Variants in NTNG2 observed in about 807,000 individuals in gnomAD.
NTNG2 encodes netrin-G2.
In NTNG2, 15 loss-of-function variants were observed where a neutral mutation model predicts 47.6. The observed-to-expected ratio is 0.32, with a 90% confidence interval of 0.21 to 0.49. NTNG2 has a LOEUF of 0.49. NTNG2 is among the 20% of genes least tolerant of loss of function. The pLI is 0.99. For missense variants in NTNG2, 578 were observed against 764.6 expected, an observed-to-expected ratio of 0.76 and a Z score of 2.88; for synonymous variants, 307 against 324.6, an observed-to-expected ratio of 0.95 and a Z score of 0.58.
chr9:132,241,086 G>A, intron 7 of NTNG2, 42 bp downstream of exon 7: 1 of 1,549,110 alleles, frequency 6.5e-7, no homozygotes, highest in East Asian at 2.4e-5. Context: ...CTGCGGAAAG[G>A]GGACGGGGCA....
In NTNG2 at chr9:132,208,289, T is replaced by TG. The variant is rs1839322105; in HGVS notation, c.857+9681dup. On this transcript the variant is annotated intron_variant, in intron 3 of 7. Transcript: ENST00000393229. The surrounding 1 kb of genome is among the most constrained non-coding windows in gnomAD (Gnocchi z 4.0). Reference sequence around the variant, plus strand: ...AGTGCCTTCTAAGGACTCAGTGTGATGTGGCTGTGGTGGGTGAGTAAGATT... The same window carrying TG: ...AGTGCCTTCTAAGGACTCAGTGTGATGGTGGCTGTGGTGGGTGAGTAAGATT... 6.6e-6 allele frequency among the ~76,000 whole-genome samples: 1 copy of TG among 151,936 alleles called. No homozygotes were observed. Among genetic ancestry groups the TG allele is most frequent in the Non-Finnish European group, 1.5e-5 (1 of 67,966 alleles).
chr9:132,216,462 G>A (rs1840003327), intron 3 of NTNG2, among the ~76,000 whole-genome samples: 1 of 146,840 alleles, frequency 6.8e-6, no homozygotes, highest in Admixed American at 6.8e-5. Context: ...GTGTGTGTGT[G>A]TGTGTGTCCC....
At chr9:132,241,149 G>T in intron 7 of NTNG2, 105 bp downstream of exon 7, 1 of 1,373,044 alleles carries the variant, frequency 7.3e-7, no homozygotes, top group Non-Finnish European at 9.6e-7. Context: ...CGGTGGACTG[G>T]GCCTAGCAAG....
chr9:132,192,351 G>A (rs1004998564), intron 2 of NTNG2, among the ~76,000 whole-genome samples: 4 of 152,234 alleles, frequency 2.6e-5, no homozygotes, highest in Non-Finnish European at 4.4e-5. Context: ...AGCACTTTGG[G>A]AGGCCGAGGT....
chr9:132,239,328 G>A, intron 6 of NTNG2, 57 bp downstream of exon 6: 2 of 1,584,122 alleles, frequency 1.3e-6, no homozygotes, highest in African/African-American at 1.3e-5. Context: ...AGGGTGCACT[G>A]CCCTGCGAGG....
At chr9:132,234,293 G>T (rs1029783594) in intron 5 of NTNG2, among the ~76,000 whole-genome samples, 1 of 152,240 alleles carries the variant, frequency 6.6e-6, no homozygotes, top group African/African-American at 2.4e-5. Flanking sequence ...CTCCCAAAGT[G>T]CTGGGATTCC....
At chr9:132,235,638 T>C (rs1841565524) in intron 5 of NTNG2, among the ~76,000 whole-genome samples, 1 of 152,166 alleles carries the variant, frequency 6.6e-6, no homozygotes, top group African/African-American at 2.4e-5. Context: ...TTTCTTCTCT[T>C]CTTCCCCCCA....
chr9:132,224,241 C>T (rs910608194), intron 3 of NTNG2, among the ~76,000 whole-genome samples: 2 of 152,100 alleles, frequency 1.3e-5, no homozygotes, highest in Non-Finnish European at 2.9e-5. Flanking sequence ...CATTTCCCCA[C>T]CCCCCTGCAC....
intron 3 of NTNG2, among the ~76,000 whole-genome samples, chr9:132,202,453 G>T (rs1278382622): frequency 1.3e-5 from 2 of 152,210 alleles, no homozygotes; most frequent in African/African-American, 2.4e-5. Flanking sequence ...GCACCCGCAA[G>T]TCCCAGCCAC....
At chr9:132,187,565 G>A (rs908639585) in intron 2 of NTNG2, among the ~76,000 whole-genome samples, 11 of 109,812 alleles carry the variant, frequency 1.0e-4, no homozygotes, top group African/African-American at 4.3e-4. Flanking sequence ...GAGCGAGAGG[G>A]AGCAAGAGAG....
At chr9:132,186,079 C>G (rs908426694) in intron 2 of NTNG2, among the ~76,000 whole-genome samples, 3 of 152,164 alleles carry the variant, frequency 2.0e-5, no homozygotes, top group African/African-American at 7.2e-5. Flanking sequence ...GAACCTGGGA[C>G]CAAGAAAAAA....
chr9:132,191,525 G>A (rs1286940734), intron 2 of NTNG2, among the ~76,000 whole-genome samples: 1 of 151,362 alleles, frequency 6.6e-6, no homozygotes, highest in Non-Finnish European at 1.5e-5. Context: ...AGACGCCAGG[G>A]CCCAAAACTG....
chr9:132,204,793 G>T (rs1392036394), intron 3 of NTNG2, among the ~76,000 whole-genome samples: 1 of 152,114 alleles, frequency 6.6e-6, no homozygotes, highest in Non-Finnish European at 1.5e-5. Flanking sequence ...ATAGATGGAA[G>T]GGCTGGGTGT....
chr9:132,198,222 A>C lies in NTNG2; in HGVS notation c.470A>C (p.Asn157Thr). The change falls in exon 3 of 8, where the codon AAC (asparagine) becomes ACC (threonine). Residue 157 changes from asparagine (N) to threonine (T), a missense_variant. Coordinates refer to ENST00000393229, the MANE Select transcript of NTNG2 (RefSeq NM_032536.4). ...TVMVLEKSLD[N>T]GRTWQPYQFY... is the part of the protein sequence containing the mutation. ...ATGGTCCTGGAGAAGTCCCTGGACAACGGGCGCACCTGGCAGCCCTACCAG... is the reference window on the plus strand; with the variant it reads ...ATGGTCCTGGAGAAGTCCCTGGACACCGGGCGCACCTGGCAGCCCTACCAG... 1 of 1,613,320 alleles carries C rather than the reference A, an allele frequency of 6.2e-7. No individual in the cohort carries two copies. Among genetic ancestry groups the C allele is most frequent in the Non-Finnish European group, 8.5e-7 (1 of 1,180,046 alleles).
chr9:132,234,685 G>T (rs1841494362), intron 5 of NTNG2, among the ~76,000 whole-genome samples: 1 of 152,242 alleles, frequency 6.6e-6, no homozygotes, highest in Non-Finnish European at 1.5e-5. Flanking sequence ...CCTTTCCTGG[G>T]CTGGGCCACG....
At chr9:132,235,894 A>G (rs1193127527) in intron 5 of NTNG2, among the ~76,000 whole-genome samples, 1 of 152,028 alleles carries the variant, frequency 6.6e-6, no homozygotes, top group African/African-American at 2.4e-5. Context: ...GTGCCTGGGG[A>G]GCTCTAGGGC....
In NTNG2 at chr9:132,231,295, C is replaced by G. The variant is rs897194738; in HGVS notation, c.1054+700C>G. ...TGCCAGGCACGGTCTCTCCTTTCAG[C>G]CTTGCAAACCCCTCCCCCTGGGAGG... On this transcript the variant is annotated intron_variant, in intron 5 of 7. Coordinates refer to ENST00000393229, the MANE Select transcript of NTNG2 (RefSeq NM_032536.4). This position sits in a 1 kb window ranked among gnomAD's most constrained non-coding sequence, Gnocchi z 4.1. The G allele has an allele frequency of 1.1e-5, 5 of 456,094 alleles. No individual in the cohort carries two copies. Among genetic ancestry groups the G allele is most frequent in the African/African-American group, 1.0e-4 (5 of 50,022 alleles). The allele number at this position is 456,094 out of a possible 1,614,324, so 28.3% of individuals were successfully genotyped here.
intron 3 of NTNG2, among the ~76,000 whole-genome samples, chr9:132,216,489 G>A (rs1840006537): frequency 6.8e-6 from 1 of 146,426 alleles, no homozygotes; most frequent in African/African-American, 2.5e-5. Context: ...CGTTCTTGCT[G>A]CCGTCTGAAG....
intron 2 of NTNG2, among the ~76,000 whole-genome samples, chr9:132,194,620 C>G (rs1367515945): frequency 3.3e-5 from 5 of 152,234 alleles, no homozygotes; most frequent in Admixed American, 6.5e-5. Context: ...CTCGAGAAGG[C>G]TGGGGCCAGT....
Sources: gnomAD v4.1 joint callset for allele counts (sites outside exome capture counted in the v4.1 genomes callset) on GRCh38, gnomAD v4.1.1 for gene constraint, Gnocchi (gnomAD v3.1) non-coding constraint, MANE v1.5 for transcripts, NCBI Gene and HGNC (gene_info 2026-07-23, HGNC 2026-07-21) for gene names.